Variants in DYNC2H1 observed in about 807,000 individuals in gnomAD.
The protein encoded by DYNC2H1 is dynein cytoplasmic 2 heavy chain 1.
A neutral mutation model predicts 570.0 loss-of-function variants in DYNC2H1; 410 were observed. That is an observed-to-expected ratio of 0.72 (90% CI 0.66 to 0.78). DYNC2H1 has a LOEUF of 0.78. DYNC2H1 is among the 30% of genes least tolerant of loss of function. The probability of loss-of-function intolerance (pLI) is 0.00; values close to 1 mark genes in which losing one functional copy is unlikely to be tolerated. For missense variants in DYNC2H1, 4,865 were observed against 5,046.4 expected, an observed-to-expected ratio of 0.96 and a Z score of 1.09; for synonymous variants, 1,688 against 1,677.6, an observed-to-expected ratio of 1.01 and a Z score of -0.15.
intron 83 of DYNC2H1, among the ~76,000 whole-genome samples, chr11:103,396,146 G>A (rs1258033945): frequency 6.6e-6 from 1 of 152,106 alleles, no homozygotes; most frequent in African/African-American, 2.4e-5. Flanking sequence ...GATAAATACA[G>A]CAGAGGCTAC....
Position 103,256,702 on chromosome 11 carries a change from C to G in DYNC2H1, c.10461+462C>G, listed in dbSNP as rs1865070927. Among the ~76,000 whole-genome samples the G allele has an allele frequency of 6.6e-6, 1 of 152,066 alleles. No homozygotes were observed. Among genetic ancestry groups the G allele is most frequent in the African/African-American group, 2.4e-5 (1 of 41,410 alleles). On this transcript the variant is annotated intron_variant, in intron 68 of 88. Coordinates refer to ENST00000375735, the MANE Select transcript of DYNC2H1 (RefSeq NM_001377.3). The surrounding 1 kb of genome is among the most constrained non-coding windows in gnomAD (Gnocchi z 4.0). ...GTACTTTATTATCCTAATGTGGACA[C>G]CTGTTAGAGTCATCTTCTCTACCTC...
chr11:103,402,822 G>A (rs1044269524), intron 84 of DYNC2H1: 2 of 152,080 alleles, frequency 1.3e-5, no homozygotes, highest in South Asian at 2.1e-4. Flanking sequence ...GGATGAATAG[G>A]CTAATAGTCT....
rs1250634627 is a variant in DYNC2H1, at chr11:103,461,439, G to A, written c.12648+5083G>A. Among the ~76,000 whole-genome samples, 1 of 152,060 alleles carries A rather than the reference G, an allele frequency of 6.6e-6. No homozygotes were observed. Among genetic ancestry groups the A allele is most frequent in the Non-Finnish European group, 1.5e-5 (1 of 68,022 alleles). ...GTATTGATTTTCAGTTCCTGAACAT[G>A]GCCCTCTAAAATTCCTGCCATTATT... On this transcript the variant is annotated intron_variant, in intron 87 of 88. Coordinates refer to ENST00000375735, the MANE Select transcript of DYNC2H1 (RefSeq NM_001377.3). The surrounding 1 kb of genome is among the most constrained non-coding windows in gnomAD (Gnocchi z 4.8).
intron 17 of DYNC2H1, among the ~76,000 whole-genome samples, chr11:103,142,418 C>G (rs563466918): frequency 1.3e-5 from 2 of 152,126 alleles, no homozygotes; most frequent in Non-Finnish European, 2.9e-5. Flanking sequence ...GCCTGTAATC[C>G]TGGCACTTTG....
chr11:103,154,645 T>G (rs1334122289), intron 23 of DYNC2H1, 39 bp downstream of exon 23: 16 of 1,573,598 alleles, frequency 1.0e-5, no homozygotes, highest in African/African-American at 1.4e-5. Context: ...ATAATTTGGT[T>G]GTTTTATTTT....
At chr11:103,317,044 AT>A (rs1937887620) in intron 80 of DYNC2H1, among the ~76,000 whole-genome samples, 1 of 152,152 alleles carries the variant, frequency 6.6e-6, no homozygotes, top group Non-Finnish European at 1.5e-5. Context: ...AAATAAAGCC[AT>A]TTAATCTGAC....
At chr11:103,332,526 G>A (rs1049331313) in intron 82 of DYNC2H1, among the ~76,000 whole-genome samples, 2 of 152,096 alleles carry the variant, frequency 1.3e-5, no homozygotes, top group South Asian at 2.1e-4. Context: ...CCCTAGCAGC[G>A]GGGTAGAGAA....
chr11:103,368,305 T>C (rs1369947336), intron 83 of DYNC2H1, among the ~76,000 whole-genome samples: 1 of 152,240 alleles, frequency 6.6e-6, no homozygotes, highest in Non-Finnish European at 1.5e-5. Context: ...CTAACTGGAA[T>C]GAGACAACAT....
chr11:103,308,310 C>A (rs1867400470), intron 78 of DYNC2H1, among the ~76,000 whole-genome samples: 1 of 152,142 alleles, frequency 6.6e-6, no homozygotes, highest in African/African-American at 2.4e-5. Context: ...CCTCAAGGTT[C>A]ATCCATGTTT....
intron 82 of DYNC2H1, among the ~76,000 whole-genome samples, chr11:103,354,176 CAAAACAA>C (rs1424167708): frequency 4.1e-4 from 21 of 50,924 alleles, no homozygotes; most frequent in African/African-American, 1.0e-3. Flanking sequence ...GGCTCTGTCT[CAAAACAA>C]AAAAAAAAAA....
chr11:103,459,958 C>CAAA (rs376050088), intron 87 of DYNC2H1, among the ~76,000 whole-genome samples: 2,462 of 70,484 alleles, frequency 0.035, 111 homozygotes, highest in Non-Finnish European at 0.047. Context: ...GACTCCGTCT[C>CAAA]AAAAAAAAAA....
Position 103,114,096 on chromosome 11 carries a change from T to C in DYNC2H1, c.367-7T>C. Reference sequence around the variant, plus strand: ...AATCTTGGTTGCTCTTGTCTGTTTTTATTTAGGATCAGGAATGGAGCAGAA... The same window carrying C: ...AATCTTGGTTGCTCTTGTCTGTTTTCATTTAGGATCAGGAATGGAGCAGAA... On this transcript the variant is annotated splice_polypyrimidine_tract_variant and splice_region_variant and intron_variant, in intron 2 of 88. Coordinates refer to ENST00000375735, the MANE Select transcript of DYNC2H1 (RefSeq NM_001377.3). 6.2e-7 allele frequency: 1 copy of C among 1,608,600 alleles called. No homozygotes were observed. Among genetic ancestry groups the C allele is most frequent in the Non-Finnish European group, 8.5e-7 (1 of 1,177,182 alleles).
At position 103,457,563 on chromosome 11, in the gene DYNC2H1, ACTT is replaced by A. The variant is rs1301502613; in HGVS notation, c.12648+1208_12648+1210del. On this transcript the variant is annotated intron_variant, in intron 87 of 88. Coordinates refer to ENST00000375735, the MANE Select transcript of DYNC2H1 (RefSeq NM_001377.3). ...TTAAAATAAATTTTAAAAAGAAAAA[ACTT>A]AAAAAATAATGATATAAAACTATTT... Among the ~76,000 whole-genome samples the A allele has an allele frequency of 3.4e-4, 24 of 70,544 alleles. No homozygotes were observed. In the East Asian group the frequency reaches 8.6e-3, roughly 25 times the overall value. 46.3% of individuals were successfully genotyped at this position (70,544 alleles called of 152,430 possible).
chr11:103,427,498 A>C (rs953380961), intron 84 of DYNC2H1, among the ~76,000 whole-genome samples: 4 of 152,154 alleles, frequency 2.6e-5, no homozygotes, highest in Admixed American at 6.6e-5. Flanking sequence ...AAAGACAAAT[A>C]CTGTCTTAGA....
chr11:103,454,167 T>C (rs752877183), intron 85 of DYNC2H1, among the ~76,000 whole-genome samples: 2 of 152,076 alleles, frequency 1.3e-5, no homozygotes, highest in African/African-American at 2.4e-5. Context: ...AATAATAGGG[T>C]GTTACAGTAC....
intron 18 of DYNC2H1, among the ~76,000 whole-genome samples, chr11:103,144,106 G>A (rs558378888): frequency 1.3e-5 from 2 of 152,314 alleles, no homozygotes; most frequent in South Asian, 4.1e-4. Context: ...TTATTCTCTG[G>A]TAGTGCAATA....
intron 85 of DYNC2H1, among the ~76,000 whole-genome samples, chr11:103,438,506 C>T (rs1944140481): frequency 6.8e-6 from 1 of 146,740 alleles, no homozygotes; most frequent in Non-Finnish European, 1.5e-5. Context: ...TGATCAGACT[C>T]AATCCAAACA....
At position 103,186,053 on chromosome 11, in the gene DYNC2H1, TTGCATAAA is replaced by T. The variant is rs1862052895; in HGVS notation, c.6634-186_6634-179del. On this transcript the variant is annotated intron_variant, in intron 41 of 88. Coordinates refer to ENST00000375735, the MANE Select transcript of DYNC2H1 (RefSeq NM_001377.3). The surrounding 1 kb of genome is among the most constrained non-coding windows in gnomAD (Gnocchi z 4.5). ...ATCTCCTATATATACTTTAATTTACTTGCATAAATGATCATTTAGAGAAAAATATTTGA... is the reference window on the plus strand; with the variant it reads ...ATCTCCTATATATACTTTAATTTACTTGATCATTTAGAGAAAAATATTTGA... Among the ~76,000 whole-genome samples, 1 of 152,028 alleles carries T rather than the reference TTGCATAAA, an allele frequency of 6.6e-6. No individual in the cohort carries two copies. Among genetic ancestry groups the T allele is most frequent in the Non-Finnish European group, 1.5e-5 (1 of 67,946 alleles).
At chr11:103,114,067 G>C in intron 2 of DYNC2H1, 36 bp from the exon 3 acceptor site, 1 of 1,595,532 alleles carries the variant, frequency 6.3e-7, no homozygotes. Flanking sequence ...GCAAAATTTT[G>C]ATCAATCTTG....
Sources: gnomAD v4.1 joint callset for allele counts (sites outside exome capture counted in the v4.1 genomes callset) on GRCh38, gnomAD v4.1.1 for gene constraint, Gnocchi (gnomAD v3.1) non-coding constraint, MANE v1.5 for transcripts, NCBI Gene and HGNC (gene_info 2026-07-23, HGNC 2026-07-21) for gene names.